The following ITPR3 variants were observed in gnomAD, a reference collection of about 807,000 sequenced individuals.
ITPR3 encodes inositol 1,4,5-trisphosphate receptor type 3.
A neutral mutation model predicts 293.2 loss-of-function variants in ITPR3; 173 were observed. The observed-to-expected ratio is 0.59, with a 90% CI of 0.52 to 0.67. The LOEUF (loss-of-function observed/expected upper bound fraction) is 0.67, where lower values mean the gene tolerates loss of function less well. Ranked by LOEUF, ITPR3 falls within the 30% of genes least tolerant of loss-of-function variation. The probability of loss-of-function intolerance (pLI) is 0.00; values close to 1 mark genes in which losing one functional copy is unlikely to be tolerated. For missense variants in ITPR3, 2,796 were observed against 3,592.1 expected (o/e 0.78, Z 5.66); for synonymous variants, 1,295 against 1,444.4 (o/e 0.90, Z 2.35).
Position 33,668,455 on chromosome 6 carries a change from T to C in ITPR3, c.1887-60T>C, listed in dbSNP as rs9380372. 1,348,626 of 1,607,482 alleles carry C rather than the reference T, an allele frequency of 0.84. 566,742 individuals are homozygous for C. Among genetic ancestry groups the C allele is most frequent in the South Asian group, 0.93 (84,290 of 90,262 alleles). ...GCTGGGGAAGGGGAAGGGTGGGCTC[T>C]GTCCTTAGAGGGACCAGCCTCTGAG... On this transcript the variant is annotated intron_variant, in intron 16 of 57. Coordinates refer to ENST00000605930, the MANE Select transcript of ITPR3 (RefSeq NM_002224.4).
At chr6:33,662,391 C>T in intron 7 of ITPR3, 137 bp from the exon 8 acceptor site, 1 of 1,020,342 alleles carries the variant, frequency 9.8e-7, no homozygotes, top group Non-Finnish European at 1.4e-6. Flanking sequence ...CTTGCATCCC[C>T]CTCTCTGTGT....
At chr6:33,689,952 T>C in intron 50 of ITPR3, 82 bp from the exon 51 acceptor site, 5 of 1,529,548 alleles carry the variant, frequency 3.3e-6, no homozygotes, top group Non-Finnish European at 3.6e-6. Flanking sequence ...TCCCAGGCTC[T>C]GAGCTGGGCA....
chr6:33,623,345 A>AT (rs1763484603), intron 1 of ITPR3, among the ~76,000 whole-genome samples: 2 of 19,344 alleles, frequency 1.0e-4, no homozygotes, highest in African/African-American at 1.7e-4. Flanking sequence ...TTTTTTTTTT[A>AT]AGACAAGGTC....
rs751240466 is a variant in ITPR3 at position 33,683,384 on chromosome 6, T to C, written c.4775T>C (p.Ile1592Thr). The C allele has an allele frequency of 2.5e-6, 4 of 1,575,216 alleles. No individual in the cohort carries two copies. Among genetic ancestry groups the C allele is most frequent in the Non-Finnish European group, 3.5e-6 (4 of 1,157,686 alleles). Residue 1592 changes from isoleucine to threonine, a missense_variant, in exon 35 of 58, where the codon ATT becomes ACT. Coordinates refer to ENST00000605930, the MANE Select transcript of ITPR3 (RefSeq NM_002224.4). The surrounding 1 kb of genome is among the most constrained non-coding windows in gnomAD (Gnocchi z 4.5). ...TANQWDYKNI[I>T]EKLQDIITAL... The stretch of plus-strand genomic sequence containing the variant: ...AACCAGTGGGACTACAAGAACATCA[T>C]TGAGAAGCTGCAGGTGGGTGTGGGG...
intron 8 of ITPR3, 28 bp from the exon 9 acceptor site, chr6:33,662,883 T>A: frequency 6.4e-7 from 1 of 1,565,288 alleles, no homozygotes; most frequent in Non-Finnish European, 8.7e-7. Flanking sequence ...CAGTCTCTCC[T>A]TCCTGCCTCA....
At chr6:33,659,944 G>A (rs1764419093) in intron 7 of ITPR3, among the ~76,000 whole-genome samples, 2 of 152,188 alleles carry the variant, frequency 1.3e-5, no homozygotes, top group South Asian at 4.1e-4. Context: ...AAGCGAGTGA[G>A]GCTGCCCTGT....
At chr6:33,639,089 G>T (rs909375551) in intron 1 of ITPR3, among the ~76,000 whole-genome samples, 1 of 152,158 alleles carries the variant, frequency 6.6e-6, no homozygotes, top group Non-Finnish European at 1.5e-5. Flanking sequence ...GATCACAAAA[G>T]ACCTTGTTAG....
At chr6:33,634,895 C>G (rs959031301) in intron 1 of ITPR3, among the ~76,000 whole-genome samples, 1 of 151,968 alleles carries the variant, frequency 6.6e-6, no homozygotes, top group African/African-American at 2.4e-5. Flanking sequence ...AGACAGGGAC[C>G]CTCTGAGGAG....
Position 33,670,399 on chromosome 6 carries a change from T to TG in ITPR3, c.2267dup (p.Val757ArgfsTer16). ...GCCATCGACGAGATCTCCCAGCAGC[T>TG]GGGCGTGGACCTGATTTTCCTGTGC... On this transcript the variant is annotated frameshift_variant, in exon 19 of 58. Transcript: ENST00000605930. LOFTEE classifies it high-confidence loss of function. This position sits in a 1 kb window ranked among gnomAD's most constrained non-coding sequence, Gnocchi z 6.7. The TG allele has an allele frequency of 6.2e-7, 1 of 1,614,144 alleles. No homozygotes were observed. The highest frequency in any genetic ancestry group is 8.5e-7 in the Non-Finnish European group (1 of 1,180,018).
Position 33,666,343 on chromosome 6 carries a change from G to T in ITPR3, c.1551+367G>T, listed in dbSNP as rs940341065. On this transcript the variant is annotated intron_variant, in intron 14 of 57. Coordinates refer to ENST00000605930, the MANE Select transcript of ITPR3 (RefSeq NM_002224.4). The surrounding 1 kb of genome is among the most constrained non-coding windows in gnomAD (Gnocchi z 5.1). ...ATGAGAATCATCAAATATTGAGAAA[G>T]TATTGGAAGAATAGTACAGGGAACA... Among the ~76,000 whole-genome samples, 2 of 150,330 alleles carry T rather than the reference G, an allele frequency of 1.3e-5. No individual in the cohort carries two copies. The highest frequency in any genetic ancestry group is 5.0e-5 in the African/African-American group (2 of 39,780).
chr6:33,695,364 G>A (rs1020814117), intron 57 of ITPR3: 4 of 558,896 alleles, frequency 7.2e-6, no homozygotes, highest in Non-Finnish European at 1.3e-5. Context: ...CTGCCAGGTA[G>A]GTCCTTTGAG....
At chr6:33,649,557 A>T (rs546112126) in intron 2 of ITPR3, among the ~76,000 whole-genome samples, 74 of 152,336 alleles carry the variant, frequency 4.9e-4, no homozygotes, top group Middle Eastern at 3.4e-3. Context: ...AGACTGAATG[A>T]CCTTTCCATC....
intron 7 of ITPR3, among the ~76,000 whole-genome samples, chr6:33,659,876 A>G (rs543228484): frequency 2.7e-5 from 4 of 150,196 alleles, no homozygotes; most frequent in Non-Finnish European, 5.9e-5. Context: ...CCTCTCCCCA[A>G]CTCCTGCTGC....
rs879792579 is a variant in ITPR3 at position 33,692,999 on chromosome 6, C to T, written c.7624+106C>T. The T allele has an allele frequency of 2.4e-5, 27 of 1,145,444 alleles. No individual in the cohort carries two copies. The highest frequency in any genetic ancestry group is 1.2e-4 in the East Asian group (5 of 40,154). 71.0% of individuals were successfully genotyped at this position (1,145,444 alleles called of 1,614,324 possible). A position where few individuals can be genotyped will look rare whatever the true frequency, so the allele number is the denominator to read the frequency against. Reference sequence around the variant, plus strand: ...CTTCCTGCCCTGGGGAACCCTGGCCCGGAGCTGATGACTTGATGCATTTGC... The same window carrying T: ...CTTCCTGCCCTGGGGAACCCTGGCCTGGAGCTGATGACTTGATGCATTTGC... On this transcript the variant is annotated intron_variant, in intron 55 of 57. Transcript: ENST00000605930. This position sits in a 1 kb window ranked among gnomAD's most constrained non-coding sequence, Gnocchi z 4.2.
chr6:33,632,449 C>G lies in ITPR3; in HGVS notation c.90-8035C>G, dbSNP rs1409912448. On this transcript the variant is annotated intron_variant, in intron 1 of 57. Transcript: ENST00000605930. The surrounding 1 kb of genome is among the most constrained non-coding windows in gnomAD (Gnocchi z 4.1). ...GCACTGACCCACCCTGCTACCTTTC[C>G]CATGGCGCCCACCTGGATCTCAAAG... is the stretch of plus-strand genomic sequence containing the variant. Among the ~76,000 whole-genome samples, 1 of 152,198 alleles carries G rather than the reference C, an allele frequency of 6.6e-6. No homozygotes were observed. Among genetic ancestry groups the G allele is most frequent in the Non-Finnish European group, 1.5e-5 (1 of 68,034 alleles).
intron 7 of ITPR3, among the ~76,000 whole-genome samples, chr6:33,660,656 G>T (rs1764439224): frequency 6.6e-6 from 1 of 152,158 alleles, no homozygotes; most frequent in Admixed American, 6.5e-5. Context: ...TGGCCGGGCG[G>T]GGTGGCTCAT....
In ITPR3 at chr6:33,684,177, G is replaced by C. The variant is rs760037762; in HGVS notation, c.4937+9G>C. ...GGGGGCTTCCTGTCCAAGTGAGCGA[G>C]ACACTGGGGCATGGGGGCAGCAGGG... On this transcript the variant is annotated intron_variant, in intron 36 of 57. Transcript: ENST00000605930. The surrounding 1 kb of genome is among the most constrained non-coding windows in gnomAD (Gnocchi z 4.2). 2 of 1,609,742 alleles carry C rather than the reference G, an allele frequency of 1.2e-6. No homozygotes were observed. Among genetic ancestry groups the C allele is most frequent in the Non-Finnish European group, 1.7e-6 (2 of 1,179,608 alleles).
rs768801339 is a variant in ITPR3, at chr6:33,692,742, A to G, written c.7473A>G (p.Pro2491=). 31 of 1,613,878 alleles carry G rather than the reference A, an allele frequency of 1.9e-5. No homozygotes were observed. The highest frequency in any genetic ancestry group is 2.6e-5 in the Non-Finnish European group (31 of 1,179,966). The change falls in exon 55 of 58, where the codon CCA becomes CCG. Residue 2491 remains proline (P), a synonymous_variant. Coordinates refer to ENST00000605930, the MANE Select transcript of ITPR3 (RefSeq NM_002224.4). The surrounding 1 kb of genome is among the most constrained non-coding windows in gnomAD (Gnocchi z 4.2). ...RKPSKDESLF[P]ARVVYDLLFF... The stretch of plus-strand genomic sequence containing the variant: ...ATCCCCTGCAGGAGTCTCTCTTCCC[A>G]GCCCGAGTGGTCTATGACCTCCTGT...
In ITPR3 at chr6:33,670,343, T is replaced by G. The variant is rs1764721485; in HGVS notation, c.2208T>G (p.Phe736Leu). The G allele has an allele frequency of 1.9e-6, 3 of 1,613,966 alleles. No individual in the cohort carries two copies. Among genetic ancestry groups the G allele is most frequent in the Non-Finnish European group, 2.5e-6 (3 of 1,180,054 alleles). ...LSYYRYQLKL[F>L]ARMCLDRQYL... Reference sequence around the variant, plus strand: ...CCTGCAGGTACCAGCTGAAGCTCTTTGCCCGCATGTGCTTGGACCGCCAGT... The same window carrying G: ...CCTGCAGGTACCAGCTGAAGCTCTTGGCCCGCATGTGCTTGGACCGCCAGT... The change falls in exon 19 of 58, where the codon TTT becomes TTG. Residue 736 changes from phenylalanine to leucine, a missense_variant. Physicochemically the swap from Phe to Leu is conservative, Grantham distance 22. This residue lies in a region of ITPR3 where 955 missense variants were observed against 1,180.8 expected (regional missense o/e 0.81). Transcript: ENST00000605930. This position sits in a 1 kb window ranked among gnomAD's most constrained non-coding sequence, Gnocchi z 6.7.
Sources: allele counts gnomAD v4.1 joint callset (sites outside exome capture counted in the v4.1 genomes callset), GRCh38; gene constraint gnomAD v4.1.1; regional missense constraint gnomAD v4.1.1; non-coding constraint Gnocchi (gnomAD v3.1); transcripts MANE v1.5; gene names NCBI Gene and HGNC (gene_info 2026-07-23, HGNC 2026-07-21).